The following GLIS3 variants were observed in gnomAD, a reference collection of about 807,000 sequenced individuals.
GLIS3 encodes the protein GLIS family zinc finger 3, also known as zinc finger protein GLIS3.
In GLIS3, 53 loss-of-function variants were observed where a neutral mutation model predicts 78.6. The ratio of observed to expected loss-of-function variants is 0.67; its 90% confidence interval spans 0.54 to 0.85. The LOEUF (loss-of-function observed/expected upper bound fraction) is 0.85, where lower values mean the gene tolerates loss of function less well. Among genes scored for constraint, GLIS3 ranks in the 40% least tolerant of loss-of-function variants. The pLI is 0.00. For synonymous variants in GLIS3, 684 were observed against 509.9 expected (o/e 1.34, Z -4.60); for missense variants, 1,703 against 1,231.1 (o/e 1.38, Z -5.74).
intron 2 of GLIS3, among the ~76,000 whole-genome samples, chr9:4,193,170 G>C (rs560039417): frequency 6.6e-6 from 1 of 152,338 alleles, no homozygotes; most frequent in Admixed American, 6.5e-5. Context: ...CAAAACTATA[G>C]CCTGCGAGAC....
intron 2 of GLIS3, among the ~76,000 whole-genome samples, chr9:4,135,295 A>G (rs944012431): frequency 9.2e-5 from 14 of 152,180 alleles, no homozygotes; most frequent in African/African-American, 3.4e-4. Context: ...CAAAGTTATA[A>G]AAAGAAAAAG....
intron 2 of GLIS3, among the ~76,000 whole-genome samples, chr9:4,163,209 T>G (rs1297418459): frequency 6.6e-6 from 1 of 152,172 alleles, no homozygotes; most frequent in African/African-American, 2.4e-5. Flanking sequence ...GCTGCCTCAT[T>G]TTTTATGTCT....
chr9:4,244,766 G>A (rs1823642850), intron 2 of GLIS3, among the ~76,000 whole-genome samples: 1 of 151,944 alleles, frequency 6.6e-6, no homozygotes, highest in Non-Finnish European at 1.5e-5. Flanking sequence ...GTAGAGATAG[G>A]GTTTCAACCA....
intron 2 of GLIS3, among the ~76,000 whole-genome samples, chr9:4,137,640 T>A (rs150362728): frequency 4.7e-4 from 71 of 152,266 alleles, no homozygotes; most frequent in African/African-American, 1.6e-3. Context: ...GATGCAAAGA[T>A]AAATTAAGCA....
At chr9:4,413,623 C>A in the GLIS3 span, among the ~76,000 whole-genome samples, 1 of 151,954 alleles carries the variant, frequency 6.6e-6, no homozygotes, top group Non-Finnish European at 1.5e-5. Context: ...CTGTAAAGGG[C>A]CCAGATTTGA....
rs1249388557 is a variant in GLIS3, at chr9:3,827,598, G to A, written c.*674C>T. On this transcript the variant is annotated 3_prime_UTR_variant, in exon 11 of 11. Coordinates refer to ENST00000381971, the MANE Select transcript of GLIS3 (RefSeq NM_001042413.2). ...AATAATGATTTCCATCCAAAGCACA[G>A]ACCTTTACATTTTTTTTTCATTTTA... 3.5e-5 allele frequency: 4 copies of A among 114,480 alleles called. No homozygotes were observed. The highest frequency in any genetic ancestry group is 9.1e-5 in the Admixed American group (1 of 10,936). 7.1% of individuals were successfully genotyped at this position (114,480 alleles called of 1,614,324 possible). A position where few individuals can be genotyped will look rare whatever the true frequency, so the allele number is the denominator to read the frequency against.
At chr9:4,173,403 C>T (rs1483817816) in intron 2 of GLIS3, among the ~76,000 whole-genome samples, 3 of 152,176 alleles carry the variant, frequency 2.0e-5, no homozygotes, top group Non-Finnish European at 2.9e-5. Context: ...ATTTATTAAC[C>T]GTGCCACGTG....
chr9:4,062,137 G>C (rs904896418), intron 4 of GLIS3, among the ~76,000 whole-genome samples: 1 of 152,204 alleles, frequency 6.6e-6, no homozygotes, highest in Non-Finnish European at 1.5e-5. Context: ...GTTAATGTCT[G>C]TAAAGGACTG....
intron 8 of GLIS3, among the ~76,000 whole-genome samples, chr9:3,860,101 CTG>C (rs1820087891): frequency 6.6e-6 from 1 of 151,876 alleles, no homozygotes. Flanking sequence ...CGGTGAAAGT[CTG>C]TCTCTACTAA....
the GLIS3 span, among the ~76,000 whole-genome samples, chr9:4,397,973 A>C: frequency 6.6e-6 from 1 of 152,066 alleles, no homozygotes; most frequent in South Asian, 2.1e-4. Context: ...CGTCTCCTAC[A>C]GACAGCCATT....
intron 2 of GLIS3, among the ~76,000 whole-genome samples, chr9:4,315,799 C>T (rs952877202): frequency 2.6e-5 from 4 of 152,032 alleles, no homozygotes; most frequent in Admixed American, 6.6e-5. Context: ...CAGTAGGTGG[C>T]GCCCGTTCCC....
chr9:3,961,843 A>C (rs1563895419), intron 4 of GLIS3, among the ~76,000 whole-genome samples: 1 of 152,214 alleles, frequency 6.6e-6, no homozygotes, highest in Non-Finnish European at 1.5e-5. Context: ...TTAATACAAA[A>C]ACCAATGAAA....
At chr9:3,972,109 T>A (rs771212196) in intron 4 of GLIS3, among the ~76,000 whole-genome samples, 15 of 152,302 alleles carry the variant, frequency 9.8e-5, no homozygotes, top group Non-Finnish European at 1.5e-4. Flanking sequence ...GAATGCCATA[T>A]AAAGGTATAC....
intron 4 of GLIS3, among the ~76,000 whole-genome samples, chr9:4,089,269 T>C (rs1223136971): frequency 2.6e-5 from 4 of 152,132 alleles, no homozygotes; most frequent in East Asian, 3.8e-4. Context: ...CCTCTGAAAA[T>C]TGCTGTTTAA....
chr9:4,359,940 CATTT>C, the GLIS3 span, among the ~76,000 whole-genome samples: 1 of 150,892 alleles, frequency 6.6e-6, no homozygotes, highest in Non-Finnish European at 1.5e-5. Context: ...CTTATATATA[CATTT>C]ATTTTCTGTA....
chr9:4,471,370 A>T, the GLIS3 span, among the ~76,000 whole-genome samples: 498 of 152,348 alleles, frequency 3.3e-3, no homozygotes, highest in African/African-American at 0.011. Flanking sequence ...GCCAGGCTAC[A>T]GTAACCAAAA....
intron 2 of GLIS3, among the ~76,000 whole-genome samples, chr9:4,272,101 G>A (rs967979204): frequency 2.0e-5 from 3 of 152,110 alleles, no homozygotes; most frequent in Non-Finnish European, 2.9e-5. Context: ...CAGAGTAAGG[G>A]CTCAAAAAGT....
intron 2 of GLIS3, among the ~76,000 whole-genome samples, chr9:4,319,671 A>T (rs986418849): frequency 6.6e-6 from 1 of 152,100 alleles, no homozygotes; most frequent in African/African-American, 2.4e-5. Flanking sequence ...CTAGGACTAT[A>T]GGTGTTTGCC....
At chr9:4,421,391 G>T in the GLIS3 span, among the ~76,000 whole-genome samples, 1 of 152,238 alleles carries the variant, frequency 6.6e-6, no homozygotes, top group Non-Finnish European at 1.5e-5. Flanking sequence ...ATGCTGCTAT[G>T]AAAAAGGAAA....
Sources: allele counts gnomAD v4.1 joint callset (sites outside exome capture counted in the v4.1 genomes callset), GRCh38; gene constraint gnomAD v4.1.1; transcripts MANE v1.5; gene names NCBI Gene and HGNC (gene_info 2026-07-23, HGNC 2026-07-21).